PPP1R12A: variants seen among roughly 807,000 people sequenced by gnomAD.
The protein encoded by PPP1R12A is protein phosphatase 1 regulatory subunit 12A.
In PPP1R12A, 19 loss-of-function variants were observed where a neutral mutation model predicts 139.6. That is an observed-to-expected ratio of 0.14 (90% CI 0.09 to 0.20). The LOEUF (loss-of-function observed/expected upper bound fraction) is 0.20. Ranked by LOEUF, PPP1R12A falls within the 10% of genes least tolerant of loss-of-function variation. The pLI is 1.00. For missense variants in PPP1R12A, 925 were observed against 1,211.5 expected, an observed-to-expected ratio of 0.76 and a Z score of 3.51; for synonymous variants, 427 against 420.6, an observed-to-expected ratio of 1.02 and a Z score of -0.19.
chr12:79,867,063 A>G (rs1266050508), intron 2 of PPP1R12A, among the ~76,000 whole-genome samples: 1 of 152,194 alleles, frequency 6.6e-6, no homozygotes, highest in East Asian at 1.9e-4. Context: ...AACACTTGCA[A>G]CCAACCAAAA....
intron 2 of PPP1R12A, among the ~76,000 whole-genome samples, chr12:79,853,099 G>A (rs560354158): frequency 8.5e-5 from 13 of 152,318 alleles, no homozygotes; most frequent in Admixed American, 4.6e-4. Context: ...TAACAGCTTG[G>A]TGAGGATGGA....
rs558064175 is a variant in PPP1R12A at position 79,863,380 on chromosome 12, C to T, written c.368+9428G>A. Among the ~76,000 whole-genome samples the T allele has an allele frequency of 2.0e-5, 3 of 152,182 alleles. No individual in the cohort carries two copies. In the South Asian group the frequency reaches 6.2e-4, roughly 32 times the overall value. The stretch of plus-strand genomic sequence containing the variant: ...GCAAAAACATGCCAAATTGTAAATA[C>T]CATCGACACTATGAAGAAACTGCAT... On this transcript the variant is annotated intron_variant, in intron 2 of 24. Transcript: ENST00000450142.
At chr12:79,817,894 T>C in intron 8 of PPP1R12A, among the ~76,000 whole-genome samples, 1 of 152,318 alleles carries the variant, frequency 6.6e-6, no homozygotes, top group South Asian at 2.1e-4. Context: ...GATAAACAAC[T>C]ATTATTACTG....
At chr12:79,902,558 G>A (rs538769835) in intron 1 of PPP1R12A, among the ~76,000 whole-genome samples, 1 of 151,784 alleles carries the variant, frequency 6.6e-6, no homozygotes, top group Non-Finnish European at 1.5e-5. Context: ...AATGGATATT[G>A]GCCTTTCAAA....
At chr12:79,869,648 C>A (rs1882352646) in intron 2 of PPP1R12A, among the ~76,000 whole-genome samples, 1 of 151,980 alleles carries the variant, frequency 6.6e-6, no homozygotes, top group African/African-American at 2.4e-5. Flanking sequence ...TGTTGGGGAA[C>A]TAAAAGTAGT....
chr12:79,832,890 C>T (rs1424017678), intron 3 of PPP1R12A, among the ~76,000 whole-genome samples: 32 of 152,032 alleles, frequency 2.1e-4, no homozygotes, highest in Admixed American at 2.1e-3. Flanking sequence ...CTAGCAGGTA[C>T]AAATGTTTAC....
At chr12:79,873,194 C>T (rs1592748940) in intron 1 of PPP1R12A, among the ~76,000 whole-genome samples, 1 of 152,000 alleles carries the variant, frequency 6.6e-6, no homozygotes, top group South Asian at 2.1e-4. Flanking sequence ...ATAACAAGTA[C>T]CTATTAAAAT....
At chr12:79,913,031 T>C (rs922872924) in intron 1 of PPP1R12A, among the ~76,000 whole-genome samples, 2 of 152,240 alleles carry the variant, frequency 1.3e-5, no homozygotes, top group Non-Finnish European at 2.9e-5. Context: ...CATCAGTCTT[T>C]TGTAATTTTA....
At chr12:79,812,449 TTG>T (rs372835131) in intron 9 of PPP1R12A, among the ~76,000 whole-genome samples, 18 of 133,798 alleles carry the variant, frequency 1.3e-4, no homozygotes, top group African/African-American at 2.2e-4. Context: ...CTGTGTGTGT[TTG>T]TGTGTGTGTG....
intron 1 of PPP1R12A, among the ~76,000 whole-genome samples, chr12:79,896,221 A>C (rs916362599): frequency 2.0e-5 from 3 of 152,170 alleles, no homozygotes; most frequent in Non-Finnish European, 2.9e-5. Context: ...CCTTTCTAAA[A>C]CATCCCTAAT....
chr12:79,822,849 C>T (rs1876286943), intron 5 of PPP1R12A, among the ~76,000 whole-genome samples: 1 of 147,036 alleles, frequency 6.8e-6, no homozygotes, highest in Non-Finnish European at 1.5e-5. Context: ...AATAATGCTG[C>T]TATGAGCATT....
chr12:79,912,086 C>A (rs1886617008), intron 1 of PPP1R12A, among the ~76,000 whole-genome samples: 1 of 152,088 alleles, frequency 6.6e-6, no homozygotes, highest in Non-Finnish European at 1.5e-5. Flanking sequence ...CTCCAAAGGG[C>A]TTTGCTCTGA....
At chr12:79,867,497 C>T (rs1882100364) in intron 2 of PPP1R12A, among the ~76,000 whole-genome samples, 1 of 147,658 alleles carries the variant, frequency 6.8e-6, no homozygotes, top group African/African-American at 2.5e-5. Flanking sequence ...AAAATATGTT[C>T]AAATGCATGA....
chr12:79,815,106 C>G (rs1267335341), intron 9 of PPP1R12A, among the ~76,000 whole-genome samples: 1 of 152,048 alleles, frequency 6.6e-6, no homozygotes, highest in East Asian at 1.9e-4. Context: ...TCAGTTAGGG[C>G]ATTAGGTATA....
chr12:79,897,107 C>G (rs572797690), intron 1 of PPP1R12A, among the ~76,000 whole-genome samples: 3 of 152,220 alleles, frequency 2.0e-5, no homozygotes, highest in Non-Finnish European at 2.9e-5. Context: ...GCGCCATGCA[C>G]AACAGCAAAA....
chr12:79,811,890 G>GT lies in PPP1R12A; in HGVS notation c.1240-1881dup, dbSNP rs528798121. 3.0e-3 allele frequency among the ~76,000 whole-genome samples: 459 copies of GT among 152,126 alleles called. 2 individuals carry two copies. The highest frequency in any genetic ancestry group is 0.01 in the African/African-American group (428 of 41,480). ...ACAAACAAAAAACCTGGAAACAAAC[G>GT]TTTTTTCCCCCATTATAAAACAGCC... On this transcript the variant is annotated intron_variant, in intron 9 of 24. Transcript: ENST00000450142.
At chr12:79,814,837 A>AAAAAATAAAAT (rs1255673726) in intron 9 of PPP1R12A, among the ~76,000 whole-genome samples, 3 of 151,044 alleles carry the variant, frequency 2.0e-5, no homozygotes, top group Non-Finnish European at 4.4e-5. Context: ...AAAAAAAAAA[A>AAAAAATAAAAT]AAAATTCAAA....
chr12:79,901,827 A>C (rs1236933363), intron 1 of PPP1R12A, among the ~76,000 whole-genome samples: 1 of 152,212 alleles, frequency 6.6e-6, no homozygotes, highest in African/African-American at 2.4e-5. Context: ...ACAGGGCGCT[A>C]ATAGGAAAAG....
At chr12:79,831,678 C>T (rs1227630916) in intron 4 of PPP1R12A, among the ~76,000 whole-genome samples, 1 of 152,150 alleles carries the variant, frequency 6.6e-6, no homozygotes, top group Non-Finnish European at 1.5e-5. Flanking sequence ...CTTTCACATA[C>T]ATATAAGAAT....
Sources: allele counts gnomAD v4.1 joint callset (sites outside exome capture counted in the v4.1 genomes callset), GRCh38; gene constraint gnomAD v4.1.1; transcripts MANE v1.5; gene names NCBI Gene and HGNC (gene_info 2026-07-23, HGNC 2026-07-21).